The following CYSLTR2 variants were observed in gnomAD, a reference collection of about 807,000 sequenced individuals.
The protein encoded by CYSLTR2 is cysteinyl leukotriene receptor 2, also known as G-protein coupled receptor GPCR21.
For missense variants in CYSLTR2, 398 were observed against 411.9 expected (o/e 0.97, Z 0.29); for synonymous variants, 179 against 160.8 (o/e 1.11, Z -0.86).
At chr13:48,705,414 T>C (rs924470896) in intron 4 of CYSLTR2, among the ~76,000 whole-genome samples, 4 of 152,188 alleles carry the variant, frequency 2.6e-5, no homozygotes, top group Non-Finnish European at 5.9e-5. Context: ...TTTAATGTAA[T>C]TATTGATGAA....
chr13:48,668,357 G>A (rs993558260), intron 1 of CYSLTR2, among the ~76,000 whole-genome samples: 1 of 152,158 alleles, frequency 6.6e-6, no homozygotes, highest in African/African-American at 2.4e-5. Flanking sequence ...GGTTGAGGAA[G>A]AGGGGGGAAT....
chr13:48,701,790 G>A (rs1234827695), intron 4 of CYSLTR2, among the ~76,000 whole-genome samples: 2 of 152,218 alleles, frequency 1.3e-5, no homozygotes, highest in Non-Finnish European at 2.9e-5. Context: ...TGGAGAAATA[G>A]GAACGCTTTT....
Position 48,696,570 on chromosome 13 carries a change from T to A in CYSLTR2, c.-58T>A, listed in dbSNP as rs1391373596. The A allele has an allele frequency of 1.3e-5, 2 of 152,200 alleles. No homozygotes were observed. Among genetic ancestry groups the A allele is most frequent in the African/African-American group, 4.8e-5 (2 of 41,456 alleles). The allele number at this position is 152,200 out of a possible 1,614,324, so 9.4% of individuals were successfully genotyped here. A position where few individuals can be genotyped will look rare whatever the true frequency, so the allele number is the denominator to read the frequency against. ...TGGCTGAATAGGAAGAGCTCCAATCTGCAGATCCCAGTGTGAGCAACGTGG... is the reference window on the plus strand; with the variant it reads ...TGGCTGAATAGGAAGAGCTCCAATCAGCAGATCCCAGTGTGAGCAACGTGG... On this transcript the variant is annotated 5_prime_UTR_variant, in exon 4 of 5. Coordinates refer to ENST00000682523, the MANE Select transcript of CYSLTR2 (RefSeq NM_001308476.3).
intron 4 of CYSLTR2, among the ~76,000 whole-genome samples, chr13:48,697,725 A>G (rs1252163147): frequency 6.6e-6 from 1 of 152,254 alleles, no homozygotes; most frequent in Non-Finnish European, 1.5e-5. Flanking sequence ...TCTCCAAGTT[A>G]AAGGAGGATG....
At chr13:48,688,548 G>T (rs1409640331) in intron 1 of CYSLTR2, among the ~76,000 whole-genome samples, 1 of 152,152 alleles carries the variant, frequency 6.6e-6, no homozygotes. Context: ...GAGAATGATG[G>T]TTTCCAGCTT....
chr13:48,697,979 A>G (rs1014516201), intron 4 of CYSLTR2, among the ~76,000 whole-genome samples: 23 of 152,298 alleles, frequency 1.5e-4, no homozygotes, highest in African/African-American at 5.5e-4. Flanking sequence ...AAAAAAGTAA[A>G]AAGAAATGAA....
chr13:48,670,621 T>G (rs1267950757), intron 1 of CYSLTR2, among the ~76,000 whole-genome samples: 2 of 152,226 alleles, frequency 1.3e-5, no homozygotes, highest in Non-Finnish European at 2.9e-5. Flanking sequence ...GCCTATGTTC[T>G]GTTCCATTGG....
At chr13:48,662,984 C>T (rs958806994) in intron 1 of CYSLTR2, among the ~76,000 whole-genome samples, 4 of 152,004 alleles carry the variant, frequency 2.6e-5, no homozygotes, top group African/African-American at 9.7e-5. Context: ...CATTTTGGGT[C>T]TTATATTTAA....
intron 1 of CYSLTR2, among the ~76,000 whole-genome samples, chr13:48,658,342 C>A (rs1328098749): frequency 1.3e-5 from 2 of 152,192 alleles, no homozygotes; most frequent in Non-Finnish European, 1.5e-5. Flanking sequence ...ACATTAACAT[C>A]ATTTCATTAT....
chr13:48,667,382 G>A (rs1402863335), intron 1 of CYSLTR2, among the ~76,000 whole-genome samples: 2 of 152,186 alleles, frequency 1.3e-5, no homozygotes, highest in East Asian at 1.9e-4. Context: ...AGTCAGCCTG[G>A]GGGGTGGAGG....
At chr13:48,680,654 T>C (rs1286109655) in intron 1 of CYSLTR2, among the ~76,000 whole-genome samples, 1 of 152,196 alleles carries the variant, frequency 6.6e-6, no homozygotes, top group Admixed American at 6.5e-5. Flanking sequence ...GTGGAAATTA[T>C]GCTGCCAAAT....
rs200216539 is a variant in CYSLTR2, at chr13:48,707,362, G to T, written c.545G>T (p.Gly182Val). ...MLLDSGSEQN[G>V]SVTSCLELNL... The stretch of plus-strand genomic sequence containing the variant: ...CTGGACAGTGGCTCTGAGCAGAACG[G>T]CAGTGTCACATCATGCTTAGAGCTG... The change falls in exon 5 of 5, where the codon GGC (glycine) becomes GTC (valine). Residue 182 changes from glycine (G) to valine (V), a missense_variant. Physicochemically the swap from Gly to Val is moderately radical, Grantham distance 109. Transcript: ENST00000682523. 1.9e-6 allele frequency: 3 copies of T among 1,614,046 alleles called. No homozygotes were observed. The highest frequency in any genetic ancestry group is 1.6e-4 in the Middle Eastern group (1 of 6,062).
chr13:48,654,560 C>G (rs1243663083), intron 1 of CYSLTR2, among the ~76,000 whole-genome samples: 2 of 151,978 alleles, frequency 1.3e-5, no homozygotes, highest in African/African-American at 4.8e-5. Context: ...TATATTTTTT[C>G]CATTCAGTGT....
rs1249576537 is a variant in CYSLTR2, at chr13:48,709,286, C to T, written c.*1428C>T. 1 of 167,110 alleles carries T rather than the reference C, an allele frequency of 6.0e-6. No homozygotes were observed. 10.4% of individuals were successfully genotyped at this position (167,110 alleles called of 1,614,324 possible). On this transcript the variant is annotated 3_prime_UTR_variant, in exon 5 of 5. Transcript: ENST00000682523. Reference sequence around the variant, plus strand: ...AAAAGTTTCTCTTCAGAGTTGTTGACTCATAGTACAGTAAAGGGTGGAGGT... The same window carrying T: ...AAAAGTTTCTCTTCAGAGTTGTTGATTCATAGTACAGTAAAGGGTGGAGGT...
At chr13:48,687,315 C>T (rs1250206094) in intron 1 of CYSLTR2, among the ~76,000 whole-genome samples, 2 of 151,924 alleles carry the variant, frequency 1.3e-5, no homozygotes, top group African/African-American at 4.8e-5. Context: ...AGCCAATTCC[C>T]CTAATAAATC....
At chr13:48,696,043 A>G (rs1954178224) in intron 3 of CYSLTR2, among the ~76,000 whole-genome samples, 1 of 152,212 alleles carries the variant, frequency 6.6e-6, no homozygotes, top group South Asian at 2.1e-4. Context: ...TGAGTGATCC[A>G]GTTTCTCTGT....
chr13:48,668,750 C>A (rs1002500272), intron 1 of CYSLTR2, among the ~76,000 whole-genome samples: 46 of 152,038 alleles, frequency 3.0e-4, no homozygotes, highest in African/African-American at 1.0e-3. Context: ...AATGCTATCC[C>A]TCCCCTTGTC....
chr13:48,662,153 C>T (rs756142772), intron 1 of CYSLTR2, among the ~76,000 whole-genome samples: 2 of 152,218 alleles, frequency 1.3e-5, no homozygotes, highest in Non-Finnish European at 1.5e-5. Flanking sequence ...TAATGTCCTC[C>T]ATTTCCACCC....
At chr13:48,698,399 GA>G (rs1188624309) in intron 4 of CYSLTR2, among the ~76,000 whole-genome samples, 1 of 152,148 alleles carries the variant, frequency 6.6e-6, no homozygotes, top group African/African-American at 2.4e-5. Flanking sequence ...TTTCAACCCA[GA>G]ATTTCATATC....
Sources: allele counts gnomAD v4.1 joint callset (sites outside exome capture counted in the v4.1 genomes callset), GRCh38; gene constraint gnomAD v4.1.1; transcripts MANE v1.5; gene names NCBI Gene and HGNC (gene_info 2026-07-23, HGNC 2026-07-21).